Variants in TRAM2 observed in about 807,000 individuals in gnomAD.
TRAM2 encodes translocating chain-associated membrane protein 2.
Under a neutral mutation model 51.0 loss-of-function variants are expected in TRAM2, and 12 were observed. The observed-to-expected ratio is 0.24, with a 90% CI of 0.15 to 0.38. TRAM2 has a LOEUF of 0.38. TRAM2 is among the 10% of genes least tolerant of loss of function. TRAM2 has a pLI of 1.00. For synonymous variants in TRAM2, 175 were observed against 179.4 expected, an observed-to-expected ratio of 0.98 and a Z score of 0.20; for missense variants, 361 against 462.0, an observed-to-expected ratio of 0.78 and a Z score of 2.00.
chr6:52,575,432 A>C (rs1309037000), intron 1 of TRAM2, among the ~76,000 whole-genome samples: 1 of 152,208 alleles, frequency 6.6e-6, no homozygotes, highest in East Asian at 1.9e-4. Context: ...AGAGGGACTG[A>C]ACTAAAGGAG....
intron 4 of TRAM2, 56 bp downstream of exon 4, chr6:52,515,950 T>G: frequency 6.8e-7 from 1 of 1,477,682 alleles, no homozygotes; most frequent in South Asian, 1.2e-5. Context: ...ATCCCAGAGC[T>G]GGAATTGCCC....
intron 10 of TRAM2, among the ~76,000 whole-genome samples, chr6:52,504,305 G>A (rs62407916): frequency 0.094 from 14,325 of 152,244 alleles, 941 homozygotes; most frequent in Non-Finnish European, 0.14. Context: ...CCACCCTGAG[G>A]ACACGCTTCC....
At chr6:52,515,098 G>A (rs1374042034) in intron 4 of TRAM2, among the ~76,000 whole-genome samples, 2 of 152,198 alleles carry the variant, frequency 1.3e-5, no homozygotes, top group African/African-American at 4.8e-5. Flanking sequence ...CTTGTGATGG[G>A]AGCGCCCATC....
At chr6:52,534,351 A>C (rs1047761941) in intron 2 of TRAM2, among the ~76,000 whole-genome samples, 7 of 152,242 alleles carry the variant, frequency 4.6e-5, no homozygotes, top group Non-Finnish European at 1.0e-4. Flanking sequence ...ATTGCACTCC[A>C]GCCTGGGCAA....
Position 52,553,396 on chromosome 6 carries a change from G to A in TRAM2, c.121-17550C>T, listed in dbSNP as rs950724356. Among the ~76,000 whole-genome samples, 7 of 152,204 alleles carry A rather than the reference G, an allele frequency of 4.6e-5. 1 individual carries two copies. Among genetic ancestry groups the A allele is most frequent in the Admixed American group, 1.3e-4 (2 of 15,276 alleles). On this transcript the variant is annotated intron_variant, in intron 1 of 10. Coordinates refer to ENST00000182527, the MANE Select transcript of TRAM2 (RefSeq NM_012288.4). ...AAGAAACAGCCTAGCATTTCCCAGG[G>A]CAATCTGGCCCAGGAACCCTTGTGT... is the stretch of plus-strand genomic sequence containing the variant.
Position 52,507,500 on chromosome 6 carries a change from T to C in TRAM2, c.626+53A>G, listed in dbSNP as rs1325224527. On this transcript the variant is annotated intron_variant, in intron 7 of 10. Transcript: ENST00000182527. ...ATAATTATATGAGTGTGTGGACAGATGCATGGACATAAAAGGGCAAGGAAA... is the reference window on the plus strand; with the variant it reads ...ATAATTATATGAGTGTGTGGACAGACGCATGGACATAAAAGGGCAAGGAAA... 3.8e-6 allele frequency: 6 copies of C among 1,565,806 alleles called. No individual in the cohort carries two copies. The East Asian group carries it at 9.0e-5, about 23-fold the overall frequency.
At position 52,535,809 on chromosome 6, in the gene TRAM2, T is replaced by G; in HGVS notation, c.158A>C (p.Gln53Pro). 6.2e-7 allele frequency: 1 copy of G among 1,614,048 alleles called. No homozygotes were observed. The highest frequency in any genetic ancestry group is 8.5e-7 in the Non-Finnish European group (1 of 1,179,920). ...TGCTGTAGGCACGCTAATGTTATAC[T>G]GAGGTAAAATAAATAGAAAGGCAGT... The part of the protein sequence containing the change: ...AKTAFLFILP[Q>P]YNISVPTADS... Residue 53 changes from glutamine to proline, a missense_variant, in exon 2 of 11, where the codon CAG (glutamine) becomes CCG (proline). By Grantham distance (76) the Gln-to-Pro change is moderately conservative. Transcript: ENST00000182527.
At chr6:52,522,996 C>T (rs1402809910) in intron 2 of TRAM2, 4 of 689,174 alleles carry the variant, frequency 5.8e-6, no homozygotes, top group South Asian at 1.5e-5. Flanking sequence ...CCACTTCTTA[C>T]TGACATCCCA....
intron 7 of TRAM2, 35 bp from the exon 8 acceptor site, chr6:52,506,171 C>T (rs777981138): frequency 2.5e-6 from 4 of 1,587,716 alleles, no homozygotes; most frequent in South Asian, 2.2e-5. Flanking sequence ...ACATTCCCTC[C>T]AAGATGCTGC....
intron 1 of TRAM2, among the ~76,000 whole-genome samples, chr6:52,544,695 A>G (rs552930010): frequency 6.6e-6 from 1 of 152,280 alleles, no homozygotes. Flanking sequence ...CAAGGCCAAG[A>G]ACATTAATGA....
chr6:52,533,933 T>C (rs1766934109), intron 2 of TRAM2, among the ~76,000 whole-genome samples: 2 of 150,670 alleles, frequency 1.3e-5, no homozygotes, highest in South Asian at 4.2e-4. Flanking sequence ...CTCTACTAAA[T>C]ACAAAAAATT....
At chr6:52,546,223 C>T (rs758842521) in intron 1 of TRAM2, among the ~76,000 whole-genome samples, 1 of 152,078 alleles carries the variant, frequency 6.6e-6, no homozygotes, top group Non-Finnish European at 1.5e-5. Context: ...AATGTGACTC[C>T]CTGGGAAAAT....
At chr6:52,513,538 G>T (rs1040892322) in intron 4 of TRAM2, among the ~76,000 whole-genome samples, 2 of 152,138 alleles carry the variant, frequency 1.3e-5, no homozygotes, top group Non-Finnish European at 1.5e-5. Context: ...GCAAATTGGT[G>T]GGGGGTTCTC....
At position 52,502,835 on chromosome 6, in the gene TRAM2, G is replaced by T; in HGVS notation, c.*362C>A. The T allele has an allele frequency of 4.5e-6, 1 of 222,386 alleles. No homozygotes were observed. Among genetic ancestry groups the T allele is most frequent in the South Asian group, 1.0e-4 (1 of 9,576 alleles). 13.8% of individuals were successfully genotyped at this position (222,386 alleles called of 1,614,324 possible). A position where few individuals can be genotyped will look rare whatever the true frequency, so the allele number is the denominator to read the frequency against. Reference sequence around the variant, plus strand: ...AGACAGAAAAATTGCAAGATAAGGTGAAAATAGGAAGTAAAAAGGAAAAGC... The same window carrying T: ...AGACAGAAAAATTGCAAGATAAGGTTAAAATAGGAAGTAAAAAGGAAAAGC... On this transcript the variant is annotated 3_prime_UTR_variant, in exon 11 of 11. Coordinates refer to ENST00000182527, the MANE Select transcript of TRAM2 (RefSeq NM_012288.4).
At chr6:52,511,167 G>T (rs879512741) in intron 4 of TRAM2, among the ~76,000 whole-genome samples, 4 of 152,182 alleles carry the variant, frequency 2.6e-5, no homozygotes, top group South Asian at 2.1e-4. Flanking sequence ...GCAATGGCAC[G>T]ATCTCAGCTC....
rs189696145 is a variant in TRAM2, at chr6:52,520,515, C to T, written c.185-3778G>A. ...AAAAGAACCAGCTAACAGCTGGCTA[C>T]GCGGATGGATTCTCAAGTTCCTTCT... is the stretch of plus-strand genomic sequence containing the variant. On this transcript the variant is annotated intron_variant, in intron 2 of 10. Transcript: ENST00000182527. 2.2e-3 allele frequency among the ~76,000 whole-genome samples: 328 copies of T among 152,346 alleles called. 2 individuals carry two copies. The highest frequency in any genetic ancestry group is 7.4e-3 in the African/African-American group (309 of 41,576).
intron 8 of TRAM2, 25 bp downstream of exon 8, chr6:52,506,007 G>A: frequency 1.2e-6 from 2 of 1,611,808 alleles, no homozygotes. Context: ...CTCTAAGCGG[G>A]CCAGCCTGCA....
intron 1 of TRAM2, among the ~76,000 whole-genome samples, chr6:52,558,174 C>T (rs143262041): frequency 6.0e-4 from 92 of 152,210 alleles, no homozygotes; most frequent in African/African-American, 2.1e-3. Flanking sequence ...TTGGCCTCCC[C>T]GGGGTTCTGG....
chr6:52,568,073 G>A (rs1767618031), intron 1 of TRAM2, among the ~76,000 whole-genome samples: 1 of 152,182 alleles, frequency 6.6e-6, no homozygotes, highest in African/African-American at 2.4e-5. Flanking sequence ...CCATGAAGCA[G>A]GTGAGCCCCA....
Sources: allele counts gnomAD v4.1 joint callset (sites outside exome capture counted in the v4.1 genomes callset), GRCh38; gene constraint gnomAD v4.1.1; transcripts MANE v1.5; gene names NCBI Gene and HGNC (gene_info 2026-07-23, HGNC 2026-07-21).